The following ATP7B variants were observed in gnomAD, a reference collection of about 807,000 sequenced individuals.
The protein encoded by ATP7B is copper-transporting ATPase 2.
ATP7B carries 113 observed loss-of-function variants against 118.9 expected under a neutral mutation model. That is an observed-to-expected ratio of 0.95 (90% confidence interval 0.82 to 1.11). The LOEUF is 1.11. Ranked by LOEUF, ATP7B falls within the 50% of genes most tolerant of loss-of-function variation. ATP7B has a pLI of 0.00. For synonymous variants in ATP7B, 777 were observed against 727.4 expected (o/e 1.07, Z -1.10); for missense variants, 1,867 against 1,871.4 (o/e 1.00, Z 0.04).
At chr13:51,976,175 T>C (rs1222733197) in intron 1 of ATP7B, among the ~76,000 whole-genome samples, 8 of 152,224 alleles carry the variant, frequency 5.3e-5, no homozygotes, top group Admixed American at 3.9e-4. Context: ...CTTCAGAAAT[T>C]TGGGAACAGG....
In ATP7B at chr13:51,934,732, C is replaced by A. The variant is rs535358383; in HGVS notation, c.*24G>T. On this transcript the variant is annotated 3_prime_UTR_variant, in exon 21 of 21. Coordinates refer to ENST00000242839, the MANE Select transcript of ATP7B (RefSeq NM_000053.4). ...TGTGGTGAGTGGAGGCAAGTCCCTG[C>A]CCCGGCCCGCCTGCCTGAAGTCATC... The A allele has an allele frequency of 1.9e-6, 3 of 1,611,504 alleles. No homozygotes were observed.
chr13:51,990,404 A>T (rs1163649996), intron 1 of ATP7B, among the ~76,000 whole-genome samples: 1 of 152,104 alleles, frequency 6.6e-6, no homozygotes, highest in Non-Finnish European at 1.5e-5. Flanking sequence ...TAGTCCATCG[A>T]ACAGAAATCT....
chr13:51,957,763 C>T (rs1958450934), intron 8 of ATP7B, 156 bp from the exon 9 acceptor site: 1 of 694,378 alleles, frequency 1.4e-6, no homozygotes, highest in Non-Finnish European at 2.6e-6. Flanking sequence ...TACTTGCTAT[C>T]CACCACACAT....
chr13:51,967,277 A>G (rs1211877615), intron 4 of ATP7B: 2 of 735,026 alleles, frequency 2.7e-6, no homozygotes, highest in Admixed American at 2.4e-5. Context: ...TATCACAAAC[A>G]TTTTACATGC....
intron 2 of ATP7B, among the ~76,000 whole-genome samples, chr13:51,971,299 G>A (rs1293125986): frequency 6.6e-6 from 1 of 152,112 alleles, no homozygotes; most frequent in East Asian, 1.9e-4. Flanking sequence ...TGAATATTGA[G>A]CTGGACATGT....
Position 51,942,453 on chromosome 13 carries a change from G to C in ATP7B, c.3345C>G (p.His1115Gln). 6.2e-7 allele frequency: 1 copy of C among 1,614,254 alleles called. No individual in the cohort carries two copies. Among genetic ancestry groups the C allele is most frequent in the Non-Finnish European group, 8.5e-7 (1 of 1,180,050 alleles). ...KVSNVEGILA[H>Q]SERPLSAPAS... is the part of the protein sequence containing the mutation. Reference sequence around the variant, plus strand: ...CCGGTGCACTCAAAGGGCGCTCACTGTGGGCCAGGATGCCTTCCACGTTGC... The same window carrying C: ...CCGGTGCACTCAAAGGGCGCTCACTCTGGGCCAGGATGCCTTCCACGTTGC... The change falls in exon 15 of 21, where the codon CAC (histidine) becomes CAG (glutamine). Residue 1115 changes from histidine (H) to glutamine (Q), a missense_variant. By Grantham distance (24) the His-to-Gln change is conservative. Transcript: ENST00000242839.
intron 1 of ATP7B, among the ~76,000 whole-genome samples, chr13:51,979,755 C>T (rs1952318548): frequency 6.6e-6 from 1 of 152,204 alleles, no homozygotes; most frequent in South Asian, 2.1e-4. Flanking sequence ...CTCGCTCCAA[C>T]TACAACTTTA....
intron 16 of ATP7B, 21 bp from the exon 17 acceptor site, chr13:51,939,214 T>C: frequency 1.2e-6 from 2 of 1,611,620 alleles, no homozygotes; most frequent in Non-Finnish European, 1.7e-6. Context: ...CCAGCCAGCA[T>C]CAGCAGCTAC....
Position 51,950,304 on chromosome 13 carries a change from C to A in ATP7B, c.2543G>T (p.Gly848Val), listed in dbSNP as rs1265904666. Residue 848 changes from glycine (G) to valine (V), a missense_variant, in exon 10 of 21, where the codon GGC becomes GTC. Gly to Val is a moderately radical substitution (Grantham distance 109, BLOSUM62 -3). Transcript: ENST00000242839. ...KFPVDGKVLE[G>V]NTMADESLIT... is the part of the protein sequence containing the mutation. ...GAGGGACTCATCAGCCATGGTATTG[C>A]CTTCCAGGACTTTCCCATCCACTGG... 5 of 1,614,044 alleles carry A rather than the reference C, an allele frequency of 3.1e-6. No homozygotes were observed. Among genetic ancestry groups the A allele is most frequent in the Non-Finnish European group, 4.2e-6 (5 of 1,180,042 alleles).
chr13:51,987,603 A>G (rs1334554740), intron 1 of ATP7B, among the ~76,000 whole-genome samples: 1 of 152,236 alleles, frequency 6.6e-6, no homozygotes, highest in Non-Finnish European at 1.5e-5. Flanking sequence ...CCAGATAGCC[A>G]AGACAATCCT....
chr13:52,011,786 G>A (rs1954047387), upstream of ATP7B, among the ~76,000 whole-genome samples: 1 of 152,270 alleles, frequency 6.6e-6, no homozygotes, highest in Non-Finnish European at 1.5e-5. Flanking sequence ...TCGCGCTGGT[G>A]CGCTCCGACA....
chr13:52,002,269 T>C (rs954052621), intron 1 of ATP7B, among the ~76,000 whole-genome samples: 2 of 151,670 alleles, frequency 1.3e-5, no homozygotes, highest in African/African-American at 4.8e-5. Flanking sequence ...CCGACAATAC[T>C]CAACATTCAG....
At chr13:51,972,460 T>G (rs1327711788) in intron 2 of ATP7B, among the ~76,000 whole-genome samples, 2 of 152,140 alleles carry the variant, frequency 1.3e-5, no homozygotes, top group East Asian at 3.9e-4. Flanking sequence ...GGCCCTTCTA[T>G]CCCACTGTCC....
intron 3 of ATP7B, 144 bp from the exon 4 acceptor site, chr13:51,968,751 C>T (rs1951694010): frequency 1.9e-6 from 2 of 1,031,712 alleles, no homozygotes; most frequent in Non-Finnish European, 2.9e-6. Context: ...AATGAGGCTG[C>T]ACATGAGGCT....
At chr13:51,966,466 T>C (rs1235701854) in intron 4 of ATP7B, among the ~76,000 whole-genome samples, 1 of 152,214 alleles carries the variant, frequency 6.6e-6, no homozygotes, top group Non-Finnish European at 1.5e-5. Context: ...TTGTGTATCC[T>C]GACATGGGAA....
rs749716615 is a variant in ATP7B, at chr13:51,974,641, C to A, written c.579G>T (p.Gln193His). Residue 193 changes from glutamine to histidine, a missense_variant, in exon 2 of 21, where the codon CAG (glutamine) becomes CAT (histidine). Transcript: ENST00000242839. ...TTACATGGTCCCTGAGGTCTTCGGGCTGAATGAGATAAGGCTGATAAGTGA... is the reference window on the plus strand; with the variant it reads ...TTACATGGTCCCTGAGGTCTTCGGGATGAATGAGATAAGGCTGATAAGTGA... ...AVITYQPYLIQPEDLRDHVND... is the reference protein window; with the variant it reads ...AVITYQPYLIHPEDLRDHVND... 1.2e-6 allele frequency: 2 copies of A among 1,612,198 alleles called. No individual in the cohort carries two copies. Among genetic ancestry groups the A allele is most frequent in the South Asian group, 2.2e-5 (2 of 90,996 alleles).
chr13:51,998,920 TC>T (rs1953348806), intron 1 of ATP7B, among the ~76,000 whole-genome samples: 1 of 152,036 alleles, frequency 6.6e-6, no homozygotes. Flanking sequence ...CCAGACGAAA[TC>T]CCCAGGCCAT....
chr13:51,934,693 T>C lies in ATP7B; in HGVS notation c.*63A>G. ...TAGCTCAGCCCATCCTGCTGCTGGCTGTCCTGCTCAGCTTGTGGTGAGTGG... is the reference window on the plus strand; with the variant it reads ...TAGCTCAGCCCATCCTGCTGCTGGCCGTCCTGCTCAGCTTGTGGTGAGTGG... On this transcript the variant is annotated 3_prime_UTR_variant, in exon 21 of 21. Transcript: ENST00000242839. The C allele has an allele frequency of 1.2e-6, 2 of 1,604,418 alleles. 1 individual carries two copies. Among genetic ancestry groups the C allele is most frequent in the South Asian group, 2.2e-5 (2 of 90,592 alleles).
chr13:51,959,477 C>T (rs150352391), intron 7 of ATP7B: 33 of 149,696 alleles, frequency 2.2e-4, no homozygotes, highest in African/African-American at 8.0e-4. Flanking sequence ...TCACTGAACT[C>T]CAGCCTGGGT....
Sources: allele counts gnomAD v4.1 joint callset (sites outside exome capture counted in the v4.1 genomes callset), GRCh38; gene constraint gnomAD v4.1.1; transcripts MANE v1.5; gene names NCBI Gene and HGNC (gene_info 2026-07-23, HGNC 2026-07-21).